Variants in INPP4B observed in about 807,000 individuals in gnomAD.
INPP4B encodes the protein inositol polyphosphate 4-phosphatase type II.
In INPP4B, 55 loss-of-function variants were observed where a neutral mutation model predicts 122.5. The ratio of observed to expected loss-of-function variants is 0.45; its 90% CI spans 0.36 to 0.56. The LOEUF is 0.56. INPP4B is among the 20% of genes least tolerant of loss of function. The pLI, the probability that INPP4B is intolerant of heterozygous loss-of-function variation, is 0.00. For synonymous variants in INPP4B, 403 were observed against 388.7 expected, an observed-to-expected ratio of 1.04 and a Z score of -0.43; for missense variants, 1,000 against 1,097.7, an observed-to-expected ratio of 0.91 and a Z score of 1.26.
At chr4:142,060,458 T>A (rs912958319) in intron 25 of INPP4B, among the ~76,000 whole-genome samples, 2 of 152,192 alleles carry the variant, frequency 1.3e-5, no homozygotes, top group African/African-American at 4.8e-5. Context: ...TATTACACAG[T>A]GAGACAAAGT....
chr4:142,309,669 C>T (rs1015204470), intron 8 of INPP4B, among the ~76,000 whole-genome samples: 1 of 152,164 alleles, frequency 6.6e-6, no homozygotes, highest in African/African-American at 2.4e-5. Context: ...GGTGGCAATT[C>T]CCTTTCCTTC....
intron 18 of INPP4B, among the ~76,000 whole-genome samples, chr4:142,144,243 AC>A (rs1809448676): frequency 6.7e-6 from 1 of 150,150 alleles, no homozygotes; most frequent in Admixed American, 6.7e-5. Context: ...ACACACACAC[AC>A]ACACACACAC....
chr4:142,459,829 G>A (rs1816334536), intron 3 of INPP4B, among the ~76,000 whole-genome samples: 1 of 152,174 alleles, frequency 6.6e-6, no homozygotes, highest in Admixed American at 6.5e-5. Flanking sequence ...AGCATGCAAA[G>A]TTCTGTAATT....
chr4:142,681,568 A>C (rs1047191025), intron 2 of INPP4B, among the ~76,000 whole-genome samples: 3 of 151,850 alleles, frequency 2.0e-5, no homozygotes. Context: ...CTCGAGATGG[A>C]GTGAGAGAGA....
At chr4:142,720,097 C>T (rs1012184924) in intron 2 of INPP4B, among the ~76,000 whole-genome samples, 3 of 152,132 alleles carry the variant, frequency 2.0e-5, no homozygotes, top group Admixed American at 2.0e-4. Context: ...ACCCATAATT[C>T]GTCATTGTCA....
intron 2 of INPP4B, among the ~76,000 whole-genome samples, chr4:142,574,280 G>A (rs1733407477): frequency 6.6e-6 from 1 of 151,966 alleles, no homozygotes; most frequent in Admixed American, 6.6e-5. Context: ...TCTCAACATG[G>A]TGTATTCTTC....
intron 3 of INPP4B, among the ~76,000 whole-genome samples, chr4:142,457,111 A>T (rs1020795506): frequency 6.6e-6 from 1 of 152,056 alleles, no homozygotes; most frequent in Non-Finnish European, 1.5e-5. Context: ...GAACAAAAAA[A>T]CACATTTCAG....
chr4:142,326,973 C>G (rs1234279541), intron 7 of INPP4B, among the ~76,000 whole-genome samples: 3 of 152,156 alleles, frequency 2.0e-5, no homozygotes, highest in Admixed American at 6.5e-5. Context: ...AAATCTATGC[C>G]CCTTCCATGG....
chr4:142,826,053 G>A (rs1025982950), intron 1 of INPP4B, among the ~76,000 whole-genome samples: 1 of 151,972 alleles, frequency 6.6e-6, no homozygotes, highest in Admixed American at 6.6e-5. Flanking sequence ...TTGTCGCATC[G>A]CCATTGATAG....
intron 25 of INPP4B, among the ~76,000 whole-genome samples, chr4:142,069,181 C>G (rs1765462922): frequency 6.6e-6 from 1 of 152,174 alleles, no homozygotes; most frequent in African/African-American, 2.4e-5. Flanking sequence ...AAGAAACTCA[C>G]TCAAAACCGC....
At chr4:142,154,091 G>A (rs1815884316) in intron 17 of INPP4B, among the ~76,000 whole-genome samples, 2 of 152,012 alleles carry the variant, frequency 1.3e-5, no homozygotes, top group Admixed American at 6.6e-5. Flanking sequence ...GGAACAACTG[G>A]CCCCATTCTC....
intron 2 of INPP4B, among the ~76,000 whole-genome samples, chr4:142,486,691 G>A (rs1821240517): frequency 6.6e-6 from 1 of 152,034 alleles, no homozygotes; most frequent in African/African-American, 2.4e-5. Context: ...TTGCTGTACA[G>A]CATTAGAAAA....
chr4:142,472,645 C>T (rs977659353), intron 2 of INPP4B, among the ~76,000 whole-genome samples: 11 of 152,086 alleles, frequency 7.2e-5, no homozygotes, highest in Non-Finnish European at 1.0e-4. Flanking sequence ...ATTCTTATAC[C>T]TACTTGCACA....
chr4:142,704,451 CAT>C (rs1217998742), intron 2 of INPP4B, among the ~76,000 whole-genome samples: 1 of 152,146 alleles, frequency 6.6e-6, no homozygotes, highest in Non-Finnish European at 1.5e-5. Context: ...CTAAACAAGA[CAT>C]GTGTGGCCTC....
chr4:142,347,808 T>C (rs1780757765), intron 7 of INPP4B, among the ~76,000 whole-genome samples: 1 of 151,724 alleles, frequency 6.6e-6, no homozygotes, highest in Admixed American at 6.6e-5. Flanking sequence ...GCAGCAGAGG[T>C]GGTTCAGAGA....
At chr4:142,373,863 C>T (rs1360577967) in intron 7 of INPP4B, among the ~76,000 whole-genome samples, 2 of 151,726 alleles carry the variant, frequency 1.3e-5, no homozygotes, top group African/African-American at 4.8e-5. Context: ...AGCAACTTTT[C>T]CAAAGTTAAT....
chr4:142,412,781 T>TTTTA (rs1804880299), intron 5 of INPP4B, among the ~76,000 whole-genome samples: 1 of 152,168 alleles, frequency 6.6e-6, no homozygotes, highest in African/African-American at 2.4e-5. Context: ...CAAGCCTGCT[T>TTTTA]TTTATAATTT....
At chr4:142,093,374 G>A (rs1780423900) in intron 23 of INPP4B, among the ~76,000 whole-genome samples, 1 of 152,136 alleles carries the variant, frequency 6.6e-6, no homozygotes, top group African/African-American at 2.4e-5. Context: ...GAATCTGTGA[G>A]CATAAACAAA....
chr4:142,348,723 C>G (rs891441189), intron 7 of INPP4B, among the ~76,000 whole-genome samples: 2 of 151,980 alleles, frequency 1.3e-5, no homozygotes, highest in African/African-American at 4.8e-5. Context: ...CTAAAATGTC[C>G]CTAGTGAACA....
Sources: gnomAD v4.1 joint callset for allele counts (sites outside exome capture counted in the v4.1 genomes callset) on GRCh38, gnomAD v4.1.1 for gene constraint, MANE v1.5 for transcripts, NCBI Gene and HGNC (gene_info 2026-07-23, HGNC 2026-07-21) for gene names.